The following SLC23A2 variants were observed in gnomAD, a reference collection of about 807,000 sequenced individuals.
SLC23A2 encodes the protein Na(+)/L-ascorbic acid transporter 2.
A neutral mutation model predicts 73.3 loss-of-function variants in SLC23A2; 36 were observed. That is an observed-to-expected ratio of 0.49 (90% CI 0.38 to 0.65). SLC23A2 has a LOEUF of 0.65. Ranked by LOEUF, SLC23A2 falls within the 30% of genes least tolerant of loss-of-function variation. The pLI, the probability that SLC23A2 is intolerant of heterozygous loss-of-function variation, is 0.00. For synonymous variants in SLC23A2, 343 were observed against 327.3 expected (o/e 1.05, Z -0.52); for missense variants, 507 against 841.6 (o/e 0.60, Z 4.92).
At chr20:4,976,445 A>G (rs1220486540) in intron 1 of SLC23A2, among the ~76,000 whole-genome samples, 2 of 148,080 alleles carry the variant, frequency 1.4e-5, no homozygotes, top group Non-Finnish European at 3.0e-5. Context: ...GAAGGCCAAC[A>G]TGGGCGGATC....
At chr20:4,916,151 G>A (rs1300098718) in intron 3 of SLC23A2, among the ~76,000 whole-genome samples, 1 of 152,042 alleles carries the variant, frequency 6.6e-6, no homozygotes, top group East Asian at 1.9e-4. Context: ...CTGGCTGCTG[G>A]GAGGATACAC....
rs111531417 is a variant in SLC23A2 at position 4,860,608 on chromosome 20, A to G, written c.1625-1224T>C. Among the ~76,000 whole-genome samples the G allele has an allele frequency of 9.0e-3, 1,374 of 152,342 alleles. 22 individuals are homozygous for G. The highest frequency in any genetic ancestry group is 0.031 in the African/African-American group (1,292 of 41,576). ...TGGCAACTCTACGAAACATAACTTCATGAATAATGAGAACTGATTGTACTT... is the reference window on the plus strand; with the variant it reads ...TGGCAACTCTACGAAACATAACTTCGTGAATAATGAGAACTGATTGTACTT... On this transcript the variant is annotated intron_variant, in intron 15 of 16. Transcript: ENST00000338244.
At chr20:4,938,992 AACACTTT>A (rs545238224) in intron 2 of SLC23A2, among the ~76,000 whole-genome samples, 72 of 152,268 alleles carry the variant, frequency 4.7e-4, no homozygotes, top group Non-Finnish European at 8.8e-4. Flanking sequence ...CTGTAATCCC[AACACTTT>A]GGGAGACCCA....
At chr20:4,877,354 G>A (rs12105993) in intron 9 of SLC23A2, among the ~76,000 whole-genome samples, 9,105 of 152,178 alleles carry the variant, frequency 0.06, 299 homozygotes, top group Middle Eastern at 0.095. Flanking sequence ...CATCAGCTGA[G>A]AAATGGCTGA....
At chr20:5,004,524 G>A (rs2088168393), upstream of SLC23A2, among the ~76,000 whole-genome samples, 1 of 152,052 alleles carries the variant, frequency 6.6e-6, no homozygotes, top group Non-Finnish European at 1.5e-5. Context: ...CACCTTTTCT[G>A]AAAATCCTTC....
chr20:4,942,355 C>G (rs1015487489), intron 2 of SLC23A2, among the ~76,000 whole-genome samples: 1 of 122,584 alleles, frequency 8.2e-6, no homozygotes, highest in African/African-American at 3.3e-5. Context: ...TTAAAGGAAG[C>G]AGGAAATCGC....
chr20:4,912,008 T>C (rs1932169641), intron 4 of SLC23A2, among the ~76,000 whole-genome samples: 2 of 121,288 alleles, frequency 1.6e-5, no homozygotes, highest in South Asian at 5.5e-4. Context: ...GGATAATTAT[T>C]TCTTTTTTTT....
At chr20:5,007,833 A>C (rs1257122417) in intron 1 of SLC23A2, among the ~76,000 whole-genome samples, 1 of 152,076 alleles carries the variant, frequency 6.6e-6, no homozygotes, top group Non-Finnish European at 1.5e-5. Flanking sequence ...CCATGTTTTC[A>C]AGGTTCAACT....
At chr20:4,916,902 G>A (rs373641151) in intron 3 of SLC23A2, among the ~76,000 whole-genome samples, 12 of 152,180 alleles carry the variant, frequency 7.9e-5, no homozygotes, top group African/African-American at 1.2e-4. Context: ...TGAGGTAGGC[G>A]GGGTTAAGCT....
intron 9 of SLC23A2, among the ~76,000 whole-genome samples, chr20:4,877,283 T>A (rs920312008): frequency 6.6e-6 from 1 of 152,182 alleles, no homozygotes; most frequent in African/African-American, 2.4e-5. Flanking sequence ...TCTTTTCACG[T>A]TGAGGTATAT....
intron 2 of SLC23A2, among the ~76,000 whole-genome samples, chr20:4,938,450 T>G (rs1180653857): frequency 2.0e-5 from 3 of 151,614 alleles, no homozygotes; most frequent in Non-Finnish European, 4.4e-5. Flanking sequence ...GCAATTCTCC[T>G]GCCTCAGCGT....
chr20:5,008,129 C>T (rs577442431), intron 1 of SLC23A2, among the ~76,000 whole-genome samples: 45 of 152,220 alleles, frequency 3.0e-4, no homozygotes, highest in African/African-American at 9.9e-4. Context: ...AGGCTGCTCT[C>T]GAACTCCTGA....
chr20:4,864,223 A>C (rs1462841604), intron 13 of SLC23A2, among the ~76,000 whole-genome samples: 2 of 152,246 alleles, frequency 1.3e-5, no homozygotes, highest in Non-Finnish European at 2.9e-5. Flanking sequence ...AATTTTAATT[A>C]AGTAAAATGA....
At chr20:4,951,283 C>T (rs1233983504) in intron 2 of SLC23A2, among the ~76,000 whole-genome samples, 1 of 151,910 alleles carries the variant, frequency 6.6e-6, no homozygotes, top group Non-Finnish European at 1.5e-5. Context: ...AAACAAGACG[C>T]TGAGGTGGGG....
intron 3 of SLC23A2, among the ~76,000 whole-genome samples, chr20:4,918,772 C>T (rs1932407696): frequency 1.3e-5 from 2 of 152,186 alleles, no homozygotes; most frequent in Non-Finnish European, 2.9e-5. Flanking sequence ...GTTCAGAACT[C>T]AATTTCCCAC....
intron 2 of SLC23A2, among the ~76,000 whole-genome samples, chr20:4,938,324 C>T (rs183822014): frequency 0.013 from 1,870 of 148,464 alleles, 19 homozygotes; most frequent in Non-Finnish European, 0.02. Flanking sequence ...GTAATCCAGA[C>T]TCATTCCATC....
At chr20:4,957,925 A>T (rs1176268277) in intron 2 of SLC23A2, among the ~76,000 whole-genome samples, 1 of 151,718 alleles carries the variant, frequency 6.6e-6, no homozygotes, top group Non-Finnish European at 1.5e-5. Context: ...AAAACTTATT[A>T]AATTGGCTTC....
At chr20:4,919,570 C>A (rs1017312488) in intron 3 of SLC23A2, among the ~76,000 whole-genome samples, 1 of 152,178 alleles carries the variant, frequency 6.6e-6, no homozygotes, top group South Asian at 2.1e-4. Context: ...GTGCTCCTCC[C>A]ACACCCCAGG....
chr20:4,926,547 T>C (rs913243764), intron 3 of SLC23A2, among the ~76,000 whole-genome samples: 14 of 151,402 alleles, frequency 9.2e-5, no homozygotes, highest in African/African-American at 1.5e-4. Flanking sequence ...TTCCTGTTTC[T>C]TGCCATGGGC....
Sources: gnomAD v4.1 joint callset for allele counts (sites outside exome capture counted in the v4.1 genomes callset) on GRCh38, gnomAD v4.1.1 for gene constraint, MANE v1.5 for transcripts, NCBI Gene and HGNC (gene_info 2026-07-23, HGNC 2026-07-21) for gene names.